PPP2R1A: variants seen among roughly 807,000 people sequenced by gnomAD.
PPP2R1A encodes the protein protein phosphatase 2 scaffold subunit Aalpha, also known as serine/threonine-protein phosphatase 2A 65 kDa regulatory subunit A alpha isoform.
PPP2R1A carries 15 observed loss-of-function variants against 67.1 expected under a neutral mutation model. The observed-to-expected ratio is 0.22, with a 90% CI of 0.15 to 0.34. The LOEUF is 0.34. PPP2R1A is among the 10% of genes least tolerant of loss of function. PPP2R1A has a pLI of 1.00. For missense variants in PPP2R1A, 369 were observed against 775.0 expected, an observed-to-expected ratio of 0.48 and a Z score of 6.22; for synonymous variants, 337 against 325.0, an observed-to-expected ratio of 1.04 and a Z score of -0.40.
intron 3 of PPP2R1A, 99 bp downstream of exon 3, chr19:52,206,162 G>A: frequency 9.5e-7 from 1 of 1,047,170 alleles, no homozygotes; most frequent in Non-Finnish European, 1.4e-6. Context: ...AGAGCGTGGG[G>A]ATCACGTCAG....
intron 13 of PPP2R1A, among the ~76,000 whole-genome samples, chr19:52,224,390 A>T (rs1434907946): frequency 6.6e-6 from 1 of 152,198 alleles, no homozygotes; most frequent in Non-Finnish European, 1.5e-5. Flanking sequence ...GAGGACCAGG[A>T]ACTTCCCCTT....
intron 1 of PPP2R1A, among the ~76,000 whole-genome samples, chr19:52,198,581 C>T (rs58865229): frequency 0.011 from 1,678 of 152,176 alleles, 29 homozygotes; most frequent in African/African-American, 0.038. Context: ...GAGGAAGGGG[C>T]GGGGAGCTTT....
chr19:52,197,212 G>A (rs1234949077), intron 1 of PPP2R1A, among the ~76,000 whole-genome samples: 5 of 152,124 alleles, frequency 3.3e-5, no homozygotes, highest in African/African-American at 7.2e-5. Flanking sequence ...CATAGGTAGC[G>A]TTAGCAAAAC....
chr19:52,192,071 A>T (rs888299112), intron 1 of PPP2R1A, among the ~76,000 whole-genome samples: 1 of 152,186 alleles, frequency 6.6e-6, no homozygotes, highest in Admixed American at 6.5e-5. Flanking sequence ...GAGATGGGGT[A>T]TATATAGGGC....
chr19:52,202,853 A>G (rs751132461), intron 2 of PPP2R1A, among the ~76,000 whole-genome samples: 2 of 152,252 alleles, frequency 1.3e-5, no homozygotes, highest in Non-Finnish European at 2.9e-5. Flanking sequence ...AAGATACTGT[A>G]AAGTGCTTAT....
chr19:52,190,329 T>A, intron 1 of PPP2R1A, 155 bp downstream of exon 1: 1 of 864,610 alleles, frequency 1.2e-6, no homozygotes, highest in Non-Finnish European at 1.8e-6. Context: ...CCCGGACTCC[T>A]TGAGACGGCG....
rs1041098339 is a variant in PPP2R1A, at chr19:52,223,526, G to A, written c.1661+1285G>A. Among the ~76,000 whole-genome samples, 3 of 152,090 alleles carry A rather than the reference G, an allele frequency of 2.0e-5. No homozygotes were observed. The East Asian group carries it at 5.8e-4, about 29-fold the overall frequency. The stretch of plus-strand genomic sequence containing the variant: ...ATCCACAATACCTGTCTACAAATCA[G>A]GCAAGACAAGAAAGAGATGGGGAAA... On this transcript the variant is annotated intron_variant, in intron 13 of 14. Coordinates refer to ENST00000322088, the MANE Select transcript of PPP2R1A (RefSeq NM_014225.6).
chr19:52,205,008 G>A (rs2089588008), intron 2 of PPP2R1A, among the ~76,000 whole-genome samples: 1 of 152,204 alleles, frequency 6.6e-6, no homozygotes, highest in Non-Finnish European at 1.5e-5. Context: ...CCTTAAATGA[G>A]AGGGTTGTGG....
At position 52,211,174 on chromosome 19, in the gene PPP2R1A, G is replaced by A. The variant is rs1245724770; in HGVS notation, c.271-86G>A. 2 of 1,282,726 alleles carry A rather than the reference G, an allele frequency of 1.6e-6. No individual in the cohort carries two copies. Among genetic ancestry groups the A allele is most frequent in the Non-Finnish European group, 2.2e-6 (2 of 918,878 alleles). The allele number at this position is 1,282,726 out of a possible 1,614,324, so 79.5% of individuals were successfully genotyped here. A position where few individuals can be genotyped will look rare whatever the true frequency, so the allele number is the denominator to read the frequency against. Reference sequence around the variant, plus strand: ...ATAGGGAAGTTTTCTCTGAGGAGATGAGCCCATGATGGGGTGCAGGATGGG... The same window carrying A: ...ATAGGGAAGTTTTCTCTGAGGAGATAAGCCCATGATGGGGTGCAGGATGGG... On this transcript the variant is annotated intron_variant, in intron 3 of 14. Transcript: ENST00000322088. The surrounding 1 kb of genome is among the most constrained non-coding windows in gnomAD (Gnocchi z 5.3).
At position 52,219,954 on chromosome 19, in the gene PPP2R1A, G is replaced by T; in HGVS notation, c.1302+90G>T. ...GTGATGGGGAAACGGGGCTTTGAAG[G>T]CTTAGTGGAGGCTGTGACAACTGCC... On this transcript the variant is annotated intron_variant, in intron 10 of 14. Transcript: ENST00000322088. This position sits in a 1 kb window ranked among gnomAD's most constrained non-coding sequence, Gnocchi z 4.0. 6.9e-7 allele frequency: 1 copy of T among 1,459,082 alleles called. No homozygotes were observed. Among genetic ancestry groups the T allele is most frequent in the South Asian group, 1.3e-5 (1 of 74,998 alleles). 90.4% of individuals were successfully genotyped at this position (1,459,082 alleles called of 1,614,324 possible).
rs1600177060 is a variant in PPP2R1A at position 52,227,968 on chromosome 19, G to T, written c.*1987G>T. 1.3e-5 allele frequency: 2 copies of T among 152,322 alleles called. No individual in the cohort carries two copies. Among genetic ancestry groups the T allele is most frequent in the East Asian group, 3.9e-4 (2 of 5,174 alleles). The allele number at this position is 152,322 out of a possible 1,614,324, so 9.4% of individuals were successfully genotyped here. A position where few individuals can be genotyped will look rare whatever the true frequency, so the allele number is the denominator to read the frequency against. ...GTCCCTGCCCCGACCTGCTCAGGCA[G>T]AGCCTTCATTTTAACAAGATGCCCA... On this transcript the variant is annotated 3_prime_UTR_variant, in exon 15 of 15. Transcript: ENST00000322088.
chr19:52,222,509 T>A (rs1227865488), intron 13 of PPP2R1A: 2 of 341,468 alleles, frequency 5.9e-6, no homozygotes, highest in Non-Finnish European at 1.1e-5. Flanking sequence ...GTTTTATATG[T>A]AAGTATGTGT....
Position 52,217,990 on chromosome 19 carries a change from C to T in PPP2R1A, c.1128+1327C>T, listed in dbSNP as rs550812568. ...CAGCAGCAGTGTAGGCAGACCAAAC[C>T]GGAGGCTGTGGGAGTCTGGAAGGCT... On this transcript the variant is annotated intron_variant, in intron 9 of 14. Transcript: ENST00000322088. 3.9e-5 allele frequency among the ~76,000 whole-genome samples: 6 copies of T among 152,122 alleles called. No homozygotes were observed. In the East Asian group the frequency reaches 9.7e-4, roughly 25 times the overall value.
chr19:52,194,579 G>C (rs1328445844), intron 1 of PPP2R1A, among the ~76,000 whole-genome samples: 1 of 152,038 alleles, frequency 6.6e-6, no homozygotes, highest in Non-Finnish European at 1.5e-5. Flanking sequence ...GCATGCAGGG[G>C]GGAAGTATGG....
At chr19:52,224,967 C>T (rs1979162477) in intron 13 of PPP2R1A, among the ~76,000 whole-genome samples, 1 of 150,060 alleles carries the variant, frequency 6.7e-6, no homozygotes, top group Non-Finnish European at 1.5e-5. Context: ...TCCCAAAGTG[C>T]TAGGATTACA....
At position 52,211,168 on chromosome 19, in the gene PPP2R1A, GGA is replaced by G. The variant is rs1453868791; in HGVS notation, c.271-89_271-88del. 4.9e-6 allele frequency: 6 copies of G among 1,231,012 alleles called. No homozygotes were observed. Among genetic ancestry groups the G allele is most frequent in the Non-Finnish European group, 6.8e-6 (6 of 877,206 alleles). 76.3% of individuals were successfully genotyped at this position (1,231,012 alleles called of 1,614,324 possible). A position where few individuals can be genotyped will look rare whatever the true frequency, so the allele number is the denominator to read the frequency against. On this transcript the variant is annotated intron_variant, in intron 3 of 14. Coordinates refer to ENST00000322088, the MANE Select transcript of PPP2R1A (RefSeq NM_014225.6). This position sits in a 1 kb window ranked among gnomAD's most constrained non-coding sequence, Gnocchi z 5.3. ...TGGGTAATAGGGAAGTTTTCTCTGA[GGA>G]GATGAGCCCATGATGGGGTGCAGGA...
intron 1 of PPP2R1A, among the ~76,000 whole-genome samples, chr19:52,195,424 C>T (rs1026767937): frequency 2.0e-5 from 3 of 152,162 alleles, no homozygotes; most frequent in Non-Finnish European, 4.4e-5. Flanking sequence ...TCTTCACCAC[C>T]ACTAAGCAAG....
chr19:52,198,535 A>G (rs2089517877), intron 1 of PPP2R1A, among the ~76,000 whole-genome samples: 1 of 152,306 alleles, frequency 6.6e-6, no homozygotes, highest in East Asian at 1.9e-4. Flanking sequence ...GATATTCCAA[A>G]GGATACAGAT....
At position 52,213,477 on chromosome 19, in the gene PPP2R1A, TTTTTTTTTTTA is replaced by T. The variant is rs61372308; in HGVS notation, c.807+368_807+378del. Among the ~76,000 whole-genome samples, 15,358 of 128,334 alleles carry T rather than the reference TTTTTTTTTTTA, an allele frequency of 0.12. 1,018 individuals are homozygous for T. Among genetic ancestry groups the T allele is most frequent in the African/African-American group, 0.2 (6,057 of 30,068 alleles). 84.2% of individuals were successfully genotyped at this position (128,334 alleles called of 152,430 possible). A position where few individuals can be genotyped will look rare whatever the true frequency, so the allele number is the denominator to read the frequency against. ...TTGGTGTTTTTTTTTTTTTTTTTTT[TTTTTTTTTTTA>T]AGATGGAGTCTGTCGCCCAGGCTAG... On this transcript the variant is annotated intron_variant, in intron 6 of 14. Coordinates refer to ENST00000322088, the MANE Select transcript of PPP2R1A (RefSeq NM_014225.6). The surrounding 1 kb of genome is among the most constrained non-coding windows in gnomAD (Gnocchi z 4.2).
Sources: gnomAD v4.1 joint callset for allele counts (sites outside exome capture counted in the v4.1 genomes callset) on GRCh38, gnomAD v4.1.1 for gene constraint, Gnocchi (gnomAD v3.1) non-coding constraint, MANE v1.5 for transcripts, NCBI Gene and HGNC (gene_info 2026-07-23, HGNC 2026-07-21) for gene names.